Variants in FRMD3 observed in about 807,000 individuals in gnomAD.
The protein encoded by FRMD3 is FERM domain containing 3.
FRMD3 carries 33 observed loss-of-function variants against 70.2 expected under a neutral mutation model. The ratio of observed to expected loss-of-function variants is 0.47; its 90% CI spans 0.36 to 0.63. FRMD3 has a LOEUF of 0.63. Ranked by LOEUF, FRMD3 falls within the 20% of genes least tolerant of loss-of-function variation. The pLI is 0.00. For synonymous variants in FRMD3, 279 were observed against 255.9 expected, an observed-to-expected ratio of 1.09 and a Z score of -0.86; for missense variants, 632 against 711.4, an observed-to-expected ratio of 0.89 and a Z score of 1.27.
the FRMD3 span, among the ~76,000 whole-genome samples, chr9:83,583,265 A>C: frequency 6.6e-6 from 1 of 152,196 alleles, no homozygotes; most frequent in African/African-American, 2.4e-5. Flanking sequence ...CATTTTGGAA[A>C]ACTTCAGTGT....
rs139312847 is a variant in FRMD3, at chr9:83,324,856, C to T, written c.596+10660G>A. On this transcript the variant is annotated intron_variant, in intron 6 of 13. Coordinates refer to ENST00000304195, the MANE Select transcript of FRMD3 (RefSeq NM_174938.6). ...CCCTCACTAGTCATGTATGGGCAAA[C>T]GCAGGATGCAAATGCAAGCTGACCT... is the stretch of plus-strand genomic sequence containing the variant. Among the ~76,000 whole-genome samples, 499 of 152,250 alleles carry T rather than the reference C, an allele frequency of 3.3e-3. 2 individuals are homozygous for T. The highest frequency in any genetic ancestry group is 0.01 in the African/African-American group (424 of 41,542).
intron 10 of FRMD3, among the ~76,000 whole-genome samples, chr9:83,308,460 G>A (rs967712496): frequency 1.3e-5 from 2 of 152,120 alleles, no homozygotes; most frequent in South Asian, 2.1e-4. Flanking sequence ...GCATTTTCAG[G>A]GAGATGAGTC....
At chr9:83,290,569 A>G (rs1429658807) in intron 13 of FRMD3, 34 bp downstream of exon 13, 2 of 1,613,496 alleles carry the variant, frequency 1.2e-6, no homozygotes, top group Non-Finnish European at 1.7e-6. Context: ...GGAAGCCTGC[A>G]GCACCAGCAT....
At chr9:83,283,479 C>T (rs992913979) in intron 13 of FRMD3, among the ~76,000 whole-genome samples, 5 of 149,284 alleles carry the variant, frequency 3.3e-5, no homozygotes, top group Non-Finnish European at 5.9e-5. Context: ...TGCAGTGAGC[C>T]GAGATCGCAC....
chr9:83,451,970 A>T (rs1390765122), intron 1 of FRMD3, among the ~76,000 whole-genome samples: 1 of 152,212 alleles, frequency 6.6e-6, no homozygotes, highest in African/African-American at 2.4e-5. Context: ...TAAGAGGAAG[A>T]ACTAATTCCA....
chr9:83,374,743 G>A (rs1825089744), intron 2 of FRMD3, among the ~76,000 whole-genome samples: 1 of 152,168 alleles, frequency 6.6e-6, no homozygotes, highest in African/African-American at 2.4e-5. Context: ...GGCCGATGCA[G>A]TTCTTATTAT....
chr9:83,410,304 T>A (rs1464558340), intron 1 of FRMD3, among the ~76,000 whole-genome samples: 1 of 152,104 alleles, frequency 6.6e-6, no homozygotes, highest in Non-Finnish European at 1.5e-5. Flanking sequence ...CCCTTGTCCC[T>A]CCCTCCCCCA....
At chr9:83,338,979 T>C (rs1823667869) in intron 5 of FRMD3, among the ~76,000 whole-genome samples, 1 of 152,168 alleles carries the variant, frequency 6.6e-6, no homozygotes, top group African/African-American at 2.4e-5. Context: ...GCTTCCATTT[T>C]CCATAGGTAA....
intron 3 of FRMD3, among the ~76,000 whole-genome samples, chr9:83,369,105 G>A (rs918110874): frequency 6.6e-6 from 1 of 151,948 alleles, no homozygotes; most frequent in Admixed American, 6.6e-5. Context: ...CACCCACTTC[G>A]GCCACCCAAA....
At chr9:83,329,182 C>T (rs1467148197) in intron 6 of FRMD3, among the ~76,000 whole-genome samples, 2 of 152,050 alleles carry the variant, frequency 1.3e-5, no homozygotes, top group African/African-American at 4.8e-5. Context: ...TTACAGTGAA[C>T]GCATTTGATC....
intron 3 of FRMD3, among the ~76,000 whole-genome samples, chr9:83,351,675 TTGATAGTTACA>T (rs887133967): frequency 9.6e-5 from 14 of 145,886 alleles, no homozygotes; most frequent in African/African-American, 3.6e-4. Context: ...AGATAGATGA[TTGATAGTTACA>T]TGATAGATAG....
the FRMD3 span, among the ~76,000 whole-genome samples, chr9:83,573,206 C>T: frequency 6.6e-6 from 1 of 150,700 alleles, no homozygotes. Flanking sequence ...TTCTAGGCTC[C>T]AAGAGCACCA....
chr9:83,546,034 G>T, the FRMD3 span, among the ~76,000 whole-genome samples: 1 of 150,408 alleles, frequency 6.6e-6, no homozygotes, highest in Non-Finnish European at 1.5e-5. Context: ...CCAGACAGAA[G>T]AGATAAGGGT....
Position 83,265,113 on chromosome 9 carries a change from C to T in FRMD3, c.1196-16597G>A, listed in dbSNP as rs150718930. Among the ~76,000 whole-genome samples, 1,042 of 152,002 alleles carry T rather than the reference C, an allele frequency of 6.9e-3. 14 individuals are homozygous for T. The highest frequency in any genetic ancestry group is 0.023 in the African/African-American group (971 of 41,446). On this transcript the variant is annotated intron_variant, in intron 13 of 13. Transcript: ENST00000304195. Reference sequence around the variant, plus strand: ...GTTCTCTGTGCATATAAAAAGTGCCCGTGTCGGCCAGGTGCGGTGGCTCAT... The same window carrying T: ...GTTCTCTGTGCATATAAAAAGTGCCTGTGTCGGCCAGGTGCGGTGGCTCAT...
At chr9:83,311,635 G>A (rs1356920881) in intron 8 of FRMD3, among the ~76,000 whole-genome samples, 3 of 152,108 alleles carry the variant, frequency 2.0e-5, no homozygotes, top group African/African-American at 4.8e-5. Context: ...AGCTACTGGT[G>A]AGGAAACACT....
intron 1 of FRMD3, among the ~76,000 whole-genome samples, chr9:83,425,908 A>AG (rs36068569): frequency 6.3e-4 from 5 of 7,896 alleles, no homozygotes; most frequent in Non-Finnish European, 1.6e-3. Context: ...ACTCCGTCTC[A>AG]AAAAAAAAAA....
chr9:83,537,936 C>G lies in FRMD3; in HGVS notation c.147+149G>C. On this transcript the variant is annotated intron_variant, in intron 1 of 13. Transcript: ENST00000304195. This position sits in a 1 kb window ranked among gnomAD's most constrained non-coding sequence, Gnocchi z 4.1. Reference sequence around the variant, plus strand: ...CCATGCCAGGATAAGGCCCCCCACCCTCAGAGGCCTGAGGAATCGAAATCT... The same window carrying G: ...CCATGCCAGGATAAGGCCCCCCACCGTCAGAGGCCTGAGGAATCGAAATCT... 1 of 878,004 alleles carries G rather than the reference C, an allele frequency of 1.1e-6. No homozygotes were observed. The highest frequency in any genetic ancestry group is 2.7e-5 in the East Asian group (1 of 36,830). The allele number at this position is 878,004 out of a possible 1,614,324, so 54.4% of individuals were successfully genotyped here.
At chr9:83,472,912 C>T (rs766066715) in intron 1 of FRMD3, among the ~76,000 whole-genome samples, 2 of 152,142 alleles carry the variant, frequency 1.3e-5, no homozygotes, top group Non-Finnish European at 2.9e-5. Context: ...AGTCAAGTCA[C>T]GAGTGTTCTT....
intron 3 of FRMD3, among the ~76,000 whole-genome samples, chr9:83,352,071 T>C (rs1193726851): frequency 6.6e-6 from 1 of 152,250 alleles, no homozygotes; most frequent in African/African-American, 2.4e-5. Context: ...GTTCATATTA[T>C]GAATACACCA....
Sources: gnomAD v4.1 joint callset for allele counts (sites outside exome capture counted in the v4.1 genomes callset) on GRCh38, gnomAD v4.1.1 for gene constraint, Gnocchi (gnomAD v3.1) non-coding constraint, MANE v1.5 for transcripts, NCBI Gene and HGNC (gene_info 2026-07-23, HGNC 2026-07-21) for gene names.